Variants in P2RX3 observed in about 807,000 individuals in gnomAD.
The protein encoded by P2RX3 is purinergic receptor P2X 3.
A neutral mutation model predicts 51.5 loss-of-function variants in P2RX3; 41 were observed. The observed-to-expected ratio is 0.80, with a 90% CI of 0.62 to 1.03. The LOEUF (loss-of-function observed/expected upper bound fraction) is 1.03, where lower values mean the gene tolerates loss of function less well. P2RX3 is among the 50% of genes least tolerant of loss of function. The pLI, the probability that P2RX3 is intolerant of heterozygous loss-of-function variation, is 0.00. For missense variants in P2RX3, 459 were observed against 522.1 expected, an observed-to-expected ratio of 0.88 and a Z score of 1.18; for synonymous variants, 185 against 191.6, an observed-to-expected ratio of 0.97 and a Z score of 0.29.
intron 8 of P2RX3, among the ~76,000 whole-genome samples, chr11:57,362,596 G>A (rs948908268): frequency 6.6e-6 from 1 of 152,212 alleles, no homozygotes; most frequent in South Asian, 2.1e-4. Flanking sequence ...AACGAAATTA[G>A]TTATGACCCA....
chr11:57,350,736 A>G, intron 7 of P2RX3, 26 bp from the exon 8 acceptor site: 1 of 1,613,066 alleles, frequency 6.2e-7, no homozygotes, highest in Non-Finnish European at 8.5e-7. Flanking sequence ...GCGAGGGGAA[A>G]GCTCATACCC....
intron 4 of P2RX3, 145 bp from the exon 5 acceptor site, chr11:57,348,025 C>A: frequency 1.5e-6 from 1 of 687,702 alleles, no homozygotes; most frequent in Non-Finnish European, 2.4e-6. Context: ...GGAGAAGCAG[C>A]AGGAGAGAAG....
intron 8 of P2RX3, among the ~76,000 whole-genome samples, chr11:57,366,749 C>T (rs1430256276): frequency 6.6e-6 from 1 of 152,152 alleles, no homozygotes; most frequent in African/African-American, 2.4e-5. Context: ...CTGGTGGGGA[C>T]TGCAGTCTCG....
intron 8 of P2RX3, among the ~76,000 whole-genome samples, chr11:57,355,387 G>A (rs1856613444): frequency 7.5e-6 from 1 of 133,448 alleles, no homozygotes; most frequent in South Asian, 2.3e-4. Flanking sequence ...GCCCAGGCTG[G>A]AATGCAGTAG....
chr11:57,363,337 C>T (rs928850247), intron 8 of P2RX3, among the ~76,000 whole-genome samples: 29 of 152,156 alleles, frequency 1.9e-4, no homozygotes, highest in African/African-American at 6.8e-4. Context: ...AACAAACAAA[C>T]CCCTCATTTC....
chr11:57,339,518 T>TACAC (rs10685137), intron 1 of P2RX3, among the ~76,000 whole-genome samples: 1,798 of 150,506 alleles, frequency 0.012, 19 homozygotes, highest in Middle Eastern at 0.017. Flanking sequence ...AGCACACACC[T>TACAC]ACACACACAC....
At chr11:57,360,151 A>G (rs1285987425) in intron 8 of P2RX3, among the ~76,000 whole-genome samples, 1 of 152,206 alleles carries the variant, frequency 6.6e-6, no homozygotes, top group Non-Finnish European at 1.5e-5. Context: ...CCTCTAGCCT[A>G]GTGCTTAGCA....
Position 57,347,202 on chromosome 11 carries a change from G to A in P2RX3, c.327+15G>A. ...TCTGCCCAGAGGTGAGGGGAGGACA[G>A]AGGTTGGGTGAAGCAGGTCAAGGCT... On this transcript the variant is annotated intron_variant, in intron 3 of 11. Coordinates refer to ENST00000263314, the MANE Select transcript of P2RX3 (RefSeq NM_002559.5). The A allele has an allele frequency of 5.0e-6, 8 of 1,612,214 alleles. No individual in the cohort carries two copies. The highest frequency in any genetic ancestry group is 6.8e-6 in the Non-Finnish European group (8 of 1,178,958).
chr11:57,371,199 T>C lies in P2RX3; in HGVS notation c.*1202T>C, dbSNP rs1171381817. The stretch of plus-strand genomic sequence containing the variant: ...GAAGCTGGATCCATTGACCCAGACA[T>C]CCTCTATCCCCTTTCTGTCCTCTCC... On this transcript the variant is annotated 3_prime_UTR_variant, in exon 12 of 12. Transcript: ENST00000263314. 6.6e-6 allele frequency among the ~76,000 whole-genome samples: 1 copy of C among 152,150 alleles called. No individual in the cohort carries two copies.
upstream of P2RX3, among the ~76,000 whole-genome samples, chr11:57,337,346 G>GAAAAAAAAAAAA (rs1565058239): frequency 4.1e-5 from 1 of 24,176 alleles, no homozygotes; most frequent in Non-Finnish European, 8.4e-5. Context: ...GGGAAGGAAA[G>GAAAAAAAAAAAA]AAAGAAAAAA....
At chr11:57,343,631 T>TA (rs1169099530) in intron 1 of P2RX3, among the ~76,000 whole-genome samples, 2 of 152,346 alleles carry the variant, frequency 1.3e-5, no homozygotes, top group African/African-American at 4.8e-5. Flanking sequence ...GCATTGGTTA[T>TA]ATAATACTAG....
chr11:57,362,517 C>A (rs1479094856), intron 8 of P2RX3, among the ~76,000 whole-genome samples: 2 of 152,178 alleles, frequency 1.3e-5, no homozygotes. Flanking sequence ...GCTTCCTGTT[C>A]TGCTCCCAGC....
In P2RX3 at chr11:57,371,760, G is replaced by A. The variant is rs759064763; in HGVS notation, c.*1763G>A. Among the ~76,000 whole-genome samples the A allele has an allele frequency of 6.6e-6, 1 of 152,218 alleles. No homozygotes were observed. Among genetic ancestry groups the A allele is most frequent in the Non-Finnish European group, 1.5e-5 (1 of 68,034 alleles). The stretch of plus-strand genomic sequence containing the variant: ...CTATGCTTCTCCAGCAGAGACATCA[G>A]TGAAGGCAGCACCACATTCTCCACC... On this transcript the variant is annotated 3_prime_UTR_variant, in exon 12 of 12. Coordinates refer to ENST00000263314, the MANE Select transcript of P2RX3 (RefSeq NM_002559.5).
intron 8 of P2RX3, among the ~76,000 whole-genome samples, chr11:57,351,158 A>C (rs1856541773): frequency 6.6e-6 from 1 of 152,212 alleles, no homozygotes; most frequent in African/African-American, 2.4e-5. Context: ...GAGAGGGCCA[A>C]GGTCTCTTGA....
At chr11:57,347,358 G>T in intron 3 of P2RX3, 57 bp from the exon 4 acceptor site, 3 of 1,541,014 alleles carry the variant, frequency 1.9e-6, no homozygotes, top group Non-Finnish European at 2.6e-6. Flanking sequence ...AGGGAGTCGC[G>T]GAGCTCACCA....
chr11:57,343,098 G>A (rs533026444), intron 1 of P2RX3, among the ~76,000 whole-genome samples: 85 of 152,338 alleles, frequency 5.6e-4, no homozygotes, highest in African/African-American at 1.8e-3. Context: ...CAGCCCCTCC[G>A]TTCTGGAAAT....
intron 3 of P2RX3, 84 bp downstream of exon 3, chr11:57,347,271 C>A: frequency 6.6e-7 from 1 of 1,511,952 alleles, no homozygotes. Flanking sequence ...GAGGTATGAG[C>A]AGAGGCCCCA....
intron 1 of P2RX3, among the ~76,000 whole-genome samples, chr11:57,343,591 T>A (rs1012726380): frequency 5.3e-5 from 8 of 152,202 alleles, no homozygotes; most frequent in African/African-American, 1.9e-4. Context: ...TCAGTAAGAA[T>A]GTAGTGAAAG....
At chr11:57,337,790 C>A (rs1590617497), upstream of P2RX3, among the ~76,000 whole-genome samples, 1 of 152,172 alleles carries the variant, frequency 6.6e-6, no homozygotes, top group African/African-American at 2.4e-5. Flanking sequence ...ATGTAACAAA[C>A]CTGCACGTTG....
Sources: allele counts gnomAD v4.1 joint callset (sites outside exome capture counted in the v4.1 genomes callset), GRCh38; gene constraint gnomAD v4.1.1; transcripts MANE v1.5; gene names NCBI Gene and HGNC (gene_info 2026-07-23, HGNC 2026-07-21).